The following RPS6KL1 variants were observed in gnomAD, a reference collection of about 807,000 sequenced individuals.
RPS6KL1 encodes the protein ribosomal protein S6 kinase-like 1.
Under a neutral mutation model 57.0 loss-of-function variants are expected in RPS6KL1, and 41 were observed. That is an observed-to-expected ratio of 0.72 (90% confidence interval 0.56 to 0.93). The LOEUF (loss-of-function observed/expected upper bound fraction) is 0.93, where lower values mean the gene tolerates loss of function less well. Ranked by LOEUF, RPS6KL1 falls within the 40% of genes least tolerant of loss-of-function variation. The probability of loss-of-function intolerance (pLI) is 0.00; values close to 1 mark genes in which losing one functional copy is unlikely to be tolerated. For missense variants in RPS6KL1, 697 were observed against 727.7 expected (o/e 0.96, Z 0.49); for synonymous variants, 287 against 309.7 (o/e 0.93, Z 0.77).
chr14:74,912,140 C>T (rs1886106279), intron 5 of RPS6KL1, among the ~76,000 whole-genome samples: 1 of 152,178 alleles, frequency 6.6e-6, no homozygotes, highest in South Asian at 2.1e-4. Context: ...AGAGCCTCTT[C>T]ACACTGTCTA....
chr14:74,911,912 C>G, intron 5 of RPS6KL1, 71 bp from the exon 6 acceptor site: 1 of 1,389,048 alleles, frequency 7.2e-7, no homozygotes, highest in African/African-American at 1.4e-5. Flanking sequence ...CAGCCTGACC[C>G]CCTCCCAGGT....
chr14:74,910,370 A>G (rs1045099197), intron 7 of RPS6KL1: 1 of 317,490 alleles, frequency 3.1e-6, no homozygotes, highest in Non-Finnish European at 5.4e-6. Context: ...CCAGCCTTAC[A>G]AACTGGCACA....
intron 5 of RPS6KL1, 74 bp from the exon 6 acceptor site, chr14:74,911,915 T>A: frequency 7.6e-7 from 1 of 1,319,674 alleles, no homozygotes; most frequent in Admixed American, 2.0e-5. Flanking sequence ...CCTGACCCCC[T>A]CCCAGGTTCC....
chr14:74,921,238 T>TCCCCCCCCCCCCCCCCCCCCCCCCCCC, intron 3 of RPS6KL1, 39 bp downstream of exon 3: 4 of 840,146 alleles, frequency 4.8e-6, no homozygotes, highest in Non-Finnish European at 6.1e-6. Flanking sequence ...CACTGGCCCT[T>TCCCCCCCCCCCCCCCCCCCCCCCCCCC]CCCCACCCAC....
intron 5 of RPS6KL1, among the ~76,000 whole-genome samples, chr14:74,912,088 G>A (rs1209460414): frequency 1.3e-5 from 2 of 152,148 alleles, no homozygotes; most frequent in African/African-American, 4.8e-5. Flanking sequence ...AGGGGCTGGG[G>A]TCCCTAATCT....
chr14:74,906,965 A>G lies in RPS6KL1; in HGVS notation c.*49T>C. 1.4e-6 allele frequency: 2 copies of G among 1,404,802 alleles called. No homozygotes were observed. Among genetic ancestry groups the G allele is most frequent in the Non-Finnish European group, 2.0e-6 (2 of 997,174 alleles). 87.0% of individuals were successfully genotyped at this position (1,404,802 alleles called of 1,614,324 possible). A position where few individuals can be genotyped will look rare whatever the true frequency, so the allele number is the denominator to read the frequency against. The stretch of plus-strand genomic sequence containing the variant: ...CTGGGTTGGGTGTCAGGCAAGGAGG[A>G]GAGGCGATCCAGACCAGGCCAGCTG... On this transcript the variant is annotated 3_prime_UTR_variant, in exon 12 of 12. Transcript: ENST00000557413.
At chr14:74,914,734 C>T (rs148672141) in intron 5 of RPS6KL1, among the ~76,000 whole-genome samples, 2 of 152,220 alleles carry the variant, frequency 1.3e-5, no homozygotes, top group East Asian at 1.9e-4. Context: ...TTTTTTGAGA[C>T]GGAGTTTCAC....
In RPS6KL1 at chr14:74,906,255, T is replaced by C. The variant is rs57570040; in HGVS notation, c.*759A>G. ...CCCCTCTTCCCCCACACAGGCCCAC[T>C]GGGGAGGAGGACTCTTGATTCTGGT... On this transcript the variant is annotated 3_prime_UTR_variant, in exon 12 of 12. Coordinates refer to ENST00000557413, the MANE Select transcript of RPS6KL1 (RefSeq NM_031464.5). 1.2e-3 allele frequency: 372 copies of C among 309,528 alleles called. No homozygotes were observed. Among genetic ancestry groups the C allele is most frequent in the African/African-American group, 7.7e-3 (357 of 46,204 alleles). The allele number at this position is 309,528 out of a possible 1,614,324, so 19.2% of individuals were successfully genotyped here.
chr14:74,906,963 G>A lies in RPS6KL1; in HGVS notation c.*51C>T, dbSNP rs1884991052. 2.2e-6 allele frequency: 3 copies of A among 1,393,484 alleles called. No homozygotes were observed. Among genetic ancestry groups the A allele is most frequent in the Admixed American group, 3.4e-5 (2 of 58,134 alleles). The allele number at this position is 1,393,484 out of a possible 1,614,324, so 86.3% of individuals were successfully genotyped here. Reference sequence around the variant, plus strand: ...CCCTGGGTTGGGTGTCAGGCAAGGAGGAGAGGCGATCCAGACCAGGCCAGC... The same window carrying A: ...CCCTGGGTTGGGTGTCAGGCAAGGAAGAGAGGCGATCCAGACCAGGCCAGC... On this transcript the variant is annotated 3_prime_UTR_variant, in exon 12 of 12. Transcript: ENST00000557413.
In RPS6KL1 at chr14:74,909,572, TGGA is replaced by T; in HGVS notation, c.1238_1240del (p.Leu413del). ...CTGGTCCAGGAGCAGGTTCCCGGGG[TGGA>T]GGTCCCGGCACAGCACCCCCTGCTC... is the stretch of plus-strand genomic sequence containing the variant. On this transcript the variant is annotated inframe_deletion, in exon 8 of 12. Coordinates refer to ENST00000557413, the MANE Select transcript of RPS6KL1 (RefSeq NM_031464.5). 6.2e-7 allele frequency: 1 copy of T among 1,609,562 alleles called. No homozygotes were observed. Among genetic ancestry groups the T allele is most frequent in the Non-Finnish European group, 8.5e-7 (1 of 1,177,956 alleles).
intron 5 of RPS6KL1, among the ~76,000 whole-genome samples, chr14:74,915,706 G>A (rs961295307): frequency 3.3e-5 from 5 of 152,134 alleles, no homozygotes; most frequent in African/African-American, 9.7e-5. Context: ...GGGAATGGGA[G>A]GCCAGCGTTT....
rs1183773091 is a variant in RPS6KL1, at chr14:74,911,291, A to G, written c.621T>C (p.Phe207=). The G allele has an allele frequency of 6.2e-7, 1 of 1,612,800 alleles. No homozygotes were observed. The highest frequency in any genetic ancestry group is 1.3e-5 in the African/African-American group (1 of 75,030). ...GCAGGAAGATGGAGTCCTCGCTCACAAAGTACCTGAGCAGCTTCGTCATGT... is the reference window on the plus strand; with the variant it reads ...GCAGGAAGATGGAGTCCTCGCTCACGAAGTACCTGAGCAGCTTCGTCATGT... ...VPYMTKLLRY[F]VSEDSIFLHL... is the part of the protein sequence containing the mutation. Residue 207 remains phenylalanine, a synonymous_variant, in exon 7 of 12, where the codon TTT becomes TTC. Coordinates refer to ENST00000557413, the MANE Select transcript of RPS6KL1 (RefSeq NM_031464.5).
chr14:74,921,615 C>T (rs933747004), intron 2 of RPS6KL1, 54 bp from the exon 3 acceptor site: 121 of 1,531,918 alleles, frequency 7.9e-5, no homozygotes, highest in Non-Finnish European at 9.8e-5. Flanking sequence ...CACCCCTATC[C>T]GCACCCCAGT....
chr14:74,908,808 A>G, intron 10 of RPS6KL1, 42 bp downstream of exon 10: 1 of 1,560,200 alleles, frequency 6.4e-7, no homozygotes, highest in Non-Finnish European at 8.8e-7. Flanking sequence ...TCCCACACTC[A>G]GTGGCACCCA....
At chr14:74,921,238 T>TCCCCCCCCCCCCCCC in intron 3 of RPS6KL1, 39 bp downstream of exon 3, 1 of 840,150 alleles carries the variant, frequency 1.2e-6, no homozygotes, top group Non-Finnish European at 2.0e-6. Flanking sequence ...CACTGGCCCT[T>TCCCCCCCCCCCCCCC]CCCCACCCAC....
rs1333319310 is a variant in RPS6KL1, at chr14:74,909,823, A to G, written c.990T>C (p.Ala330=). 6.2e-7 allele frequency: 1 copy of G among 1,609,924 alleles called. No homozygotes were observed. Among genetic ancestry groups the G allele is most frequent in the Admixed American group, 1.7e-5 (1 of 59,726 alleles). The change falls in exon 8 of 12, where the codon GCT becomes GCC. Residue 330 remains alanine (A), a synonymous_variant. Coordinates refer to ENST00000557413, the MANE Select transcript of RPS6KL1 (RefSeq NM_031464.5). The part of the protein sequence containing the change: ...KAPGGHLHLQ[A]RRAGQNSDAG... ...CGTCTGAGTTCTGGCCAGCCCTCCT[A>G]GCTTGAAGGTGCAGGTGGCCACCTG...
Position 74,909,983 on chromosome 14 carries a change from G to A in RPS6KL1, c.830C>T (p.Ala277Val), listed in dbSNP as rs772841229. ...SGHAPGQDRI[A>V]LEPPRTSPNL... ...CGGAGAAGTCCTAGGAGGCTCCAGG[G>A]CGATTCTGTCCTGGCCAGGGGCATG... The change falls in exon 8 of 12, where the codon GCC becomes GTC. Residue 277 changes from alanine to valine, a missense_variant. By Grantham distance (64) the Ala-to-Val change is moderately conservative. Coordinates refer to ENST00000557413, the MANE Select transcript of RPS6KL1 (RefSeq NM_031464.5). The A allele has an allele frequency of 1.5e-5, 24 of 1,614,018 alleles. No individual in the cohort carries two copies. The highest frequency in any genetic ancestry group is 1.9e-5 in the Non-Finnish European group (23 of 1,180,004).
chr14:74,921,486 C>G lies in RPS6KL1; in HGVS notation c.56G>C (p.Cys19Ser). The part of the protein sequence containing the change: ...LPSPGLEPEP[C>S]SRARSQAHVY... ...GTGAGCTTGGGACCGTGCTCGTGAG[C>G]AAGGCTCAGGCTCCAGGCCGGGGCT... Residue 19 changes from cysteine (C) to serine (S), a missense_variant, in exon 3 of 12, where the codon TGC becomes TCC. Physicochemically the swap from Cys to Ser is moderately radical, Grantham distance 112. Coordinates refer to ENST00000557413, the MANE Select transcript of RPS6KL1 (RefSeq NM_031464.5). The G allele has an allele frequency of 6.2e-7, 1 of 1,614,102 alleles. No individual in the cohort carries two copies. The highest frequency in any genetic ancestry group is 8.5e-7 in the Non-Finnish European group (1 of 1,179,998).
intron 10 of RPS6KL1, among the ~76,000 whole-genome samples, chr14:74,908,246 C>T (rs913678791): frequency 6.6e-6 from 1 of 152,216 alleles, no homozygotes; most frequent in Admixed American, 6.5e-5. Flanking sequence ...TGGCCTCCCC[C>T]TTGCTGCCTA....
Sources: allele counts gnomAD v4.1 joint callset (sites outside exome capture counted in the v4.1 genomes callset), GRCh38; gene constraint gnomAD v4.1.1; transcripts MANE v1.5; gene names NCBI Gene and HGNC (gene_info 2026-07-23, HGNC 2026-07-21).